The following TRPM1 variants were observed in gnomAD, a reference collection of about 807,000 sequenced individuals.
The protein encoded by TRPM1 is TRPM1-203 APA Isoform, Intron 10.
TRPM1 carries 113 observed loss-of-function variants against 149.4 expected under a neutral mutation model. The observed-to-expected ratio is 0.76, with a 90% CI of 0.65 to 0.88. The LOEUF is 0.88. Ranked by LOEUF, TRPM1 falls within the 40% of genes least tolerant of loss-of-function variation. The probability of loss-of-function intolerance (pLI) is 0.00; values close to 1 mark genes in which losing one functional copy is unlikely to be tolerated. For synonymous variants in TRPM1, 741 were observed against 759.5 expected, an observed-to-expected ratio of 0.98 and a Z score of 0.40; for missense variants, 1,976 against 2,038.7, an observed-to-expected ratio of 0.97 and a Z score of 0.59.
At chr15:31,083,242 T>C (rs2034909262) in intron 1 of TRPM1, among the ~76,000 whole-genome samples, 1 of 152,196 alleles carries the variant, frequency 6.6e-6, no homozygotes. Flanking sequence ...AAGAAACTGC[T>C]TGTTTTGTGT....
intron 11 of TRPM1, 94 bp from the exon 12 acceptor site, chr15:31,050,676 C>A: frequency 7.7e-7 from 1 of 1,297,768 alleles, no homozygotes; most frequent in South Asian, 1.2e-5. Flanking sequence ...TGTATGTGCA[C>A]ACATGCACAC....
chr15:31,144,711 GATT>G (rs1477062064), intron 1 of TRPM1, among the ~76,000 whole-genome samples: 5 of 142,930 alleles, frequency 3.5e-5, no homozygotes, highest in African/African-American at 1.1e-4. Flanking sequence ...TTGTTTTTGA[GATT>G]TTTTTTTTTT....
At chr15:31,148,992 G>A (rs1331202979) in intron 1 of TRPM1, among the ~76,000 whole-genome samples, 1 of 152,182 alleles carries the variant, frequency 6.6e-6, no homozygotes, top group Admixed American at 6.5e-5. Flanking sequence ...CAACCCACCC[G>A]TGTCCCTCCA....
intron 16 of TRPM1, among the ~76,000 whole-genome samples, chr15:31,044,970 A>G (rs2033723203): frequency 6.6e-6 from 1 of 152,174 alleles, no homozygotes; most frequent in South Asian, 2.1e-4. Context: ...CCTGAAATGT[A>G]CTTATATTTA....
intron 26 of TRPM1, among the ~76,000 whole-genome samples, chr15:31,026,573 A>C (rs1438731674): frequency 6.6e-6 from 1 of 152,162 alleles, no homozygotes; most frequent in Non-Finnish European, 1.5e-5. Flanking sequence ...ATAGAGTCAA[A>C]CGTATAGCAT....
At chr15:31,076,067 T>A (rs16956517) in intron 3 of TRPM1, among the ~76,000 whole-genome samples, 8,747 of 152,072 alleles carry the variant, frequency 0.058, 695 homozygotes, top group African/African-American at 0.18. Flanking sequence ...GACATGTAGA[T>A]GCAACAAAGG....
chr15:31,145,045 G>C (rs564887416), intron 1 of TRPM1, among the ~76,000 whole-genome samples: 11 of 152,068 alleles, frequency 7.2e-5, no homozygotes, highest in African/African-American at 2.7e-4. Context: ...TTTATTATCT[G>C]TCTGTAGACT....
chr15:31,041,809 A>G (rs1157422519), intron 17 of TRPM1, 142 bp downstream of exon 17: 7 of 928,334 alleles, frequency 7.5e-6, no homozygotes, highest in African/African-American at 6.5e-5. Flanking sequence ...AAAAATGCTG[A>G]CATGACAGAC....
At chr15:31,024,200 T>C (rs1294785504) in intron 27 of TRPM1, among the ~76,000 whole-genome samples, 1 of 151,580 alleles carries the variant, frequency 6.6e-6, no homozygotes, top group Non-Finnish European at 1.5e-5. Flanking sequence ...AAATGGGAAA[T>C]GGTGATGCAG....
upstream of TRPM1, among the ~76,000 whole-genome samples, chr15:31,104,882 C>T (rs1311058598): frequency 6.6e-6 from 1 of 151,994 alleles, no homozygotes; most frequent in Admixed American, 6.6e-5. Flanking sequence ...GTGTGAGCCA[C>T]CATGCCCAGC....
At chr15:31,060,758 C>T (rs2034210526) in intron 10 of TRPM1, 114 bp from the exon 11 acceptor site, 2 of 829,378 alleles carry the variant, frequency 2.4e-6, no homozygotes, top group African/African-American at 3.4e-5. Context: ...TAGAACTAAG[C>T]ATTGCTGGCT....
At chr15:31,112,681 G>A (rs2035707038) in intron 1 of TRPM1, among the ~76,000 whole-genome samples, 1 of 152,096 alleles carries the variant, frequency 6.6e-6, no homozygotes, top group Non-Finnish European at 1.5e-5. Context: ...TACTGCGTCT[G>A]CCCAAAGGTG....
intron 11 of TRPM1, 89 bp from the exon 12 acceptor site, chr15:31,050,671 G>T (rs1000938113): frequency 2.2e-6 from 3 of 1,378,822 alleles, no homozygotes; most frequent in African/African-American, 1.4e-5. Flanking sequence ...ACCTCTGTAT[G>T]TGCACACATG....
In TRPM1 at chr15:31,158,961, C is replaced by T. The variant is rs115724511; in HGVS notation, c.54+1945G>A. On this transcript the variant is annotated intron_variant, in intron 1 of 26. Coordinates refer to the TRPM1 transcript ENST00000542188. ...TGCCATAACTGTAAACATCTAGAGA[C>T]GAGGAATGCCTAACTTTCTGAGAAT... 3.1e-3 allele frequency among the ~76,000 whole-genome samples: 469 copies of T among 152,084 alleles called. 1 individual carries two copies. Among genetic ancestry groups the T allele is most frequent in the African/African-American group, 0.011 (444 of 41,438 alleles).
chr15:31,069,609 C>G, intron 4 of TRPM1: 1 of 1,290,304 alleles, frequency 7.8e-7, no homozygotes, highest in Non-Finnish European at 9.8e-7. Context: ...CCTTCTCGGG[C>G]CAGCTGAGCG....
At chr15:31,037,685 G>A in intron 20 of TRPM1, 26 bp downstream of exon 20, 2 of 1,614,176 alleles carry the variant, frequency 1.2e-6, no homozygotes, top group Non-Finnish European at 1.7e-6. Context: ...TATACTGAAT[G>A]TCAAATGTTC....
chr15:31,146,999 A>G (rs2141057407), intron 1 of TRPM1, among the ~76,000 whole-genome samples: 1 of 152,276 alleles, frequency 6.6e-6, no homozygotes, highest in South Asian at 2.1e-4. Flanking sequence ...AAAAAAAAAA[A>G]AATGACCAAT....
At chr15:31,045,470 C>CT (rs1302245387) in intron 16 of TRPM1, among the ~76,000 whole-genome samples, 1 of 152,082 alleles carries the variant, frequency 6.6e-6, no homozygotes, top group African/African-American at 2.4e-5. Flanking sequence ...CTTGGGTATT[C>CT]TTTTTTTAGC....
At chr15:31,141,827 A>G (rs1423831018) in intron 1 of TRPM1, among the ~76,000 whole-genome samples, 1 of 152,220 alleles carries the variant, frequency 6.6e-6, no homozygotes, top group Non-Finnish European at 1.5e-5. Context: ...TATCAAATTG[A>G]GTTCTATTAA....
Sources: allele counts gnomAD v4.1 joint callset (sites outside exome capture counted in the v4.1 genomes callset), GRCh38; gene constraint gnomAD v4.1.1; transcripts MANE v1.5; gene names NCBI Gene and HGNC (gene_info 2026-07-23, HGNC 2026-07-21).